SDK1: variants seen among roughly 807,000 people sequenced by gnomAD.
SDK1 encodes sidekick cell adhesion molecule 1.
Under a neutral mutation model 245.5 loss-of-function variants are expected in SDK1, and 157 were observed. The ratio of observed to expected loss-of-function variants is 0.64; its 90% confidence interval spans 0.56 to 0.73. The LOEUF (loss-of-function observed/expected upper bound fraction) is 0.73, where lower values mean the gene tolerates loss of function less well. Among genes scored for constraint, SDK1 ranks in the 30% least tolerant of loss-of-function variants. The pLI is 0.00. For missense variants in SDK1, 3,583 were observed against 3,002.3 expected, an observed-to-expected ratio of 1.19 and a Z score of -4.52; for synonymous variants, 1,647 against 1,278.5, an observed-to-expected ratio of 1.29 and a Z score of -6.15.
chr7:4,087,637 A>C (rs751451625), intron 22 of SDK1, among the ~76,000 whole-genome samples: 14 of 152,172 alleles, frequency 9.2e-5, no homozygotes, highest in Non-Finnish European at 2.1e-4. Context: ...TTGGAGAAGC[A>C]CTGGGCTCTC....
At chr7:3,682,493 A>T (rs1784131302) in intron 4 of SDK1, among the ~76,000 whole-genome samples, 1 of 152,294 alleles carries the variant, frequency 6.6e-6, no homozygotes. Flanking sequence ...AGGCGCTCGT[A>T]TGCACTGAAC....
intron 1 of SDK1, among the ~76,000 whole-genome samples, chr7:3,396,734 T>A (rs1781905878): frequency 6.6e-6 from 1 of 151,742 alleles, no homozygotes; most frequent in Non-Finnish European, 1.5e-5. Flanking sequence ...CTGATCTGTA[T>A]CTTTGTATCT....
In SDK1 at chr7:3,958,641, C is replaced by T. The variant is rs112093553; in HGVS notation, c.1151-290C>T. Among the ~76,000 whole-genome samples the T allele has an allele frequency of 2.8e-4, 42 of 152,256 alleles. No individual in the cohort carries two copies. The South Asian group carries it at 7.5e-3, about 27-fold the overall frequency. ...ACGGTGCTGTAAATATAAACCTTTACGAACCTCTTGGGGTAGTCCTTCTAA... is the reference window on the plus strand; with the variant it reads ...ACGGTGCTGTAAATATAAACCTTTATGAACCTCTTGGGGTAGTCCTTCTAA... On this transcript the variant is annotated intron_variant, in intron 7 of 44. Transcript: ENST00000404826.
At chr7:3,887,920 T>C (rs1210090379) in intron 5 of SDK1, among the ~76,000 whole-genome samples, 2 of 152,250 alleles carry the variant, frequency 1.3e-5, no homozygotes, top group Non-Finnish European at 2.9e-5. Context: ...CTGCAAATTT[T>C]TATTCAAATG....
intron 28 of SDK1, chr7:4,134,887 C>A (rs1040254229): frequency 2.0e-5 from 3 of 152,316 alleles, no homozygotes; most frequent in Non-Finnish European, 2.9e-5. Flanking sequence ...TGACCCAGGG[C>A]GTCCTTGCAC....
At chr7:3,370,884 G>A (rs1781210481) in intron 1 of SDK1, among the ~76,000 whole-genome samples, 2 of 152,100 alleles carry the variant, frequency 1.3e-5, no homozygotes, top group African/African-American at 4.8e-5. Context: ...TCCCTCACCT[G>A]CTCCTCCTCT....
At chr7:3,601,676 AATTTT>A (rs1381152655) in intron 1 of SDK1, among the ~76,000 whole-genome samples, 1 of 151,080 alleles carries the variant, frequency 6.6e-6, no homozygotes, top group Non-Finnish European at 1.5e-5. Context: ...TATTTATTTA[AATTTT>A]ATTTTATTAT....
At chr7:4,168,606 C>T (rs1020666948) in intron 32 of SDK1, among the ~76,000 whole-genome samples, 2 of 152,198 alleles carry the variant, frequency 1.3e-5, no homozygotes, top group African/African-American at 2.4e-5. Flanking sequence ...AGCTTCCCTC[C>T]TCCCCCAGAA....
chr7:4,228,699 C>A (rs553062577), intron 40 of SDK1, among the ~76,000 whole-genome samples: 1 of 152,224 alleles, frequency 6.6e-6, no homozygotes, highest in East Asian at 1.9e-4. Context: ...GCCATCATAC[C>A]CAGCTAATTT....
intron 33 of SDK1, among the ~76,000 whole-genome samples, chr7:4,174,760 C>G (rs1353633900): frequency 1.3e-5 from 2 of 152,100 alleles, no homozygotes; most frequent in African/African-American, 4.8e-5. Flanking sequence ...AGCGTGGAGC[C>G]CATGGTGCTC....
chr7:3,668,125 A>G (rs375046851), intron 4 of SDK1, among the ~76,000 whole-genome samples: 84 of 152,204 alleles, frequency 5.5e-4, no homozygotes, highest in African/African-American at 2.0e-3. Flanking sequence ...TTAGACATGC[A>G]AGCCATTCTC....
chr7:3,427,774 T>C (rs1779718216), intron 1 of SDK1, among the ~76,000 whole-genome samples: 1 of 152,176 alleles, frequency 6.6e-6, no homozygotes, highest in African/African-American at 2.4e-5. Context: ...GTCTTTATTC[T>C]TTTGCTAATT....
intron 4 of SDK1, among the ~76,000 whole-genome samples, chr7:3,712,080 G>A (rs796289917): frequency 6.6e-6 from 1 of 152,268 alleles, no homozygotes; most frequent in African/African-American, 2.4e-5. Context: ...GCAGAGGTCC[G>A]CAACCCTTGG....
intron 4 of SDK1, among the ~76,000 whole-genome samples, chr7:3,693,971 C>T (rs1040561376): frequency 2.0e-5 from 3 of 152,178 alleles, no homozygotes; most frequent in Admixed American, 6.5e-5. Flanking sequence ...CTCCCTCACT[C>T]GTCCCACCTG....
At chr7:3,567,605 T>C (rs961789438) in intron 1 of SDK1, among the ~76,000 whole-genome samples, 2 of 152,160 alleles carry the variant, frequency 1.3e-5, no homozygotes, top group African/African-American at 4.8e-5. Context: ...TAATGGTAAA[T>C]GTGCTTAACT....
chr7:3,320,204 A>G (rs1198953849), intron 1 of SDK1, among the ~76,000 whole-genome samples: 2 of 151,974 alleles, frequency 1.3e-5, no homozygotes, highest in African/African-American at 4.8e-5. Context: ...GCGCTGAAGG[A>G]GGTGAGCATT....
intron 1 of SDK1, among the ~76,000 whole-genome samples, chr7:3,393,880 G>C (rs913383606): frequency 2.6e-5 from 4 of 152,120 alleles, no homozygotes; most frequent in East Asian, 1.9e-4. Context: ...GTGTTTTCCC[G>C]GATGGTCTTG....
chr7:3,607,613 A>T (rs943382684), intron 1 of SDK1, among the ~76,000 whole-genome samples: 4 of 152,228 alleles, frequency 2.6e-5, no homozygotes, highest in Admixed American at 2.6e-4. Flanking sequence ...AAGTAATTGA[A>T]AGTATGAATG....
chr7:3,897,957 C>G (rs1048413236), intron 5 of SDK1, among the ~76,000 whole-genome samples: 6 of 151,720 alleles, frequency 4.0e-5, no homozygotes, highest in Admixed American at 6.6e-5. Context: ...CTTTTCTGCT[C>G]TTATTCCATT....
Sources: allele counts gnomAD v4.1 joint callset (sites outside exome capture counted in the v4.1 genomes callset), GRCh38; gene constraint gnomAD v4.1.1; transcripts MANE v1.5; gene names NCBI Gene and HGNC (gene_info 2026-07-23, HGNC 2026-07-21).